PALLD: variants seen among roughly 807,000 people sequenced by gnomAD.
PALLD encodes palladin, cytoskeletal associated protein.
In PALLD, 61 loss-of-function variants were observed where a neutral mutation model predicts 123.5. The observed-to-expected ratio is 0.49, with a 90% CI of 0.40 to 0.61. The LOEUF is 0.61. Among genes scored for constraint, PALLD ranks in the 20% least tolerant of loss-of-function variants. The pLI is 0.00. For synonymous variants in PALLD, 465 were observed against 496.4 expected, an observed-to-expected ratio of 0.94 and a Z score of 0.84; for missense variants, 1,273 against 1,377.0, an observed-to-expected ratio of 0.92 and a Z score of 1.20.
At chr4:168,508,089 A>G (rs893243554) in intron 1 of PALLD, among the ~76,000 whole-genome samples, 4 of 152,176 alleles carry the variant, frequency 2.6e-5, no homozygotes, top group Non-Finnish European at 5.9e-5. Context: ...CTGCAGGATG[A>G]CTATAGCTAA....
intron 10 of PALLD, among the ~76,000 whole-genome samples, chr4:168,714,952 T>C (rs1785202362): frequency 6.6e-6 from 1 of 151,722 alleles, no homozygotes; most frequent in Non-Finnish European, 1.5e-5. Flanking sequence ...AACAAAAACC[T>C]GGAAGGGCCA....
chr4:168,623,677 C>A lies in PALLD; in HGVS notation c.909-44513C>A, dbSNP rs950168962. Reference sequence around the variant, plus strand: ...AACGCATAAGGAAAGGCATACCGGGCAAACGGAACTGAAAAAGCAAGGTTA... The same window carrying A: ...AACGCATAAGGAAAGGCATACCGGGAAAACGGAACTGAAAAAGCAAGGTTA... On this transcript the variant is annotated intron_variant, in intron 2 of 21. Coordinates refer to ENST00000505667, the MANE Select transcript of PALLD (RefSeq NM_001166108.2). Among the ~76,000 whole-genome samples the A allele has an allele frequency of 3.9e-5, 6 of 152,232 alleles. No individual in the cohort carries two copies. In the East Asian group the frequency reaches 1.2e-3, roughly 29 times the overall value.
At position 168,679,581 on chromosome 4, in the gene PALLD, GC is replaced by G. The variant is rs759996929; in HGVS notation, c.1088-1750del. ...GGTGTGTGTGTGTGTCCTCTTCACT[GC>G]GTATCCCCCTTACTTATGGAGTGCA... On this transcript the variant is annotated intron_variant, in intron 3 of 21. Transcript: ENST00000505667. 2.5e-4 allele frequency among the ~76,000 whole-genome samples: 38 copies of G among 151,812 alleles called. 2 individuals are homozygous for G. The highest frequency in any genetic ancestry group is 2.1e-3 in the East Asian group (11 of 5,170).
intron 2 of PALLD, among the ~76,000 whole-genome samples, chr4:168,600,297 G>C (rs575709181): frequency 4.6e-4 from 70 of 152,072 alleles, no homozygotes; most frequent in African/African-American, 1.5e-3. Context: ...GGCTATTTTT[G>C]GGGATTAGAC....
Position 168,825,307 on chromosome 4 carries a change from G to A in PALLD, c.1965-65615G>A, listed in dbSNP as rs998720639. On this transcript the variant is annotated intron_variant, in intron 10 of 21. Coordinates refer to ENST00000505667, the MANE Select transcript of PALLD (RefSeq NM_001166108.2). ...CTTCTCATTCCATTTCCATATTGGA[G>A]TCTAGGTTTGTACATTTTATTTTGT... Among the ~76,000 whole-genome samples the A allele has an allele frequency of 7.9e-5, 12 of 152,072 alleles. 1 individual carries two copies. In the South Asian group the frequency reaches 2.5e-3, roughly 32 times the overall value.
chr4:168,725,701 T>A (rs1481757721), intron 10 of PALLD, among the ~76,000 whole-genome samples: 2 of 151,954 alleles, frequency 1.3e-5, no homozygotes, highest in African/African-American at 4.8e-5. Flanking sequence ...TAATTTTTTG[T>A]ATTTTTAGTA....
chr4:168,645,372 T>G (rs1171204758), intron 2 of PALLD, among the ~76,000 whole-genome samples: 1 of 152,138 alleles, frequency 6.6e-6, no homozygotes, highest in African/African-American at 2.4e-5. Context: ...CCACCCGTAT[T>G]AGTAAGTAGT....
chr4:168,924,942 C>T lies in PALLD; in HGVS notation c.3225-3C>T. 2 of 1,614,092 alleles carry T rather than the reference C, an allele frequency of 1.2e-6. No individual in the cohort carries two copies. Among genetic ancestry groups the T allele is most frequent in the Non-Finnish European group, 1.7e-6 (2 of 1,179,976 alleles). ...ACCCTAATGACTTTATCCTTTTCTC[C>T]AGCATGCACCAGGACAACCACGGCT... On this transcript the variant is annotated splice_polypyrimidine_tract_variant and splice_region_variant and intron_variant, in intron 19 of 21. Transcript: ENST00000505667.
At chr4:168,868,869 T>G (rs916874841) in intron 10 of PALLD, among the ~76,000 whole-genome samples, 6 of 152,194 alleles carry the variant, frequency 3.9e-5, no homozygotes, top group Non-Finnish European at 5.9e-5. Flanking sequence ...AGAAAAGAAC[T>G]GCCTAGAGAT....
chr4:168,832,226 G>A (rs1744341337), intron 10 of PALLD: 1 of 981,924 alleles, frequency 1.0e-6, no homozygotes, highest in South Asian at 4.7e-5. Flanking sequence ...GAATTAAAGG[G>A]AGTGCAGCGT....
intron 2 of PALLD, among the ~76,000 whole-genome samples, chr4:168,546,827 C>T (rs1231768190): frequency 6.6e-6 from 1 of 152,150 alleles, no homozygotes; most frequent in Non-Finnish European, 1.5e-5. Context: ...CCTGATTATA[C>T]TTCTATGGAT....
rs529587122 is a variant in PALLD, at chr4:168,541,208, A to G, written c.908+28796A>G. Among the ~76,000 whole-genome samples, 3 of 152,216 alleles carry G rather than the reference A, an allele frequency of 2.0e-5. No individual in the cohort carries two copies. The East Asian group carries it at 5.8e-4, about 29-fold the overall frequency. ...TCAAGATGGGGATAAATATTCAGGG[A>G]GGTAACTGCACTCATTCTTTATCTG... On this transcript the variant is annotated intron_variant, in intron 2 of 21. Coordinates refer to ENST00000505667, the MANE Select transcript of PALLD (RefSeq NM_001166108.2).
intron 8 of PALLD, among the ~76,000 whole-genome samples, chr4:168,699,110 G>C (rs912620384): frequency 6.6e-6 from 1 of 152,126 alleles, no homozygotes; most frequent in Middle Eastern, 3.4e-3. Context: ...ACAGAGTCTT[G>C]ATCTGTTGCC....
chr4:168,590,425 G>A (rs371801107), intron 2 of PALLD, among the ~76,000 whole-genome samples: 2 of 152,152 alleles, frequency 1.3e-5, no homozygotes, highest in Non-Finnish European at 2.9e-5. Context: ...CCAACAAATA[G>A]CATTATTCCT....
chr4:168,660,573 T>A (rs927486567), intron 2 of PALLD, among the ~76,000 whole-genome samples: 2 of 150,676 alleles, frequency 1.3e-5, no homozygotes, highest in Non-Finnish European at 2.9e-5. Context: ...GAGGGAGGAA[T>A]CATTATGCAA....
chr4:168,521,659 A>G (rs916495737), intron 2 of PALLD, among the ~76,000 whole-genome samples: 6 of 152,184 alleles, frequency 3.9e-5, no homozygotes, highest in African/African-American at 1.4e-4. Context: ...ATTTTCTTTT[A>G]TACTACTAAG....
intron 6 of PALLD, among the ~76,000 whole-genome samples, chr4:168,686,894 G>T (rs1321427207): frequency 2.6e-5 from 4 of 152,214 alleles, no homozygotes; most frequent in Non-Finnish European, 5.9e-5. Context: ...TAAAGGTATA[G>T]TAATTAGGAC....
chr4:168,538,390 A>C (rs1765287178), intron 2 of PALLD, among the ~76,000 whole-genome samples: 1 of 152,094 alleles, frequency 6.6e-6, no homozygotes, highest in African/African-American at 2.4e-5. Context: ...GAAATTGCTT[A>C]ATATAATTCC....
intron 10 of PALLD, among the ~76,000 whole-genome samples, chr4:168,734,332 A>G (rs762432924): frequency 1.3e-4 from 20 of 152,030 alleles, no homozygotes; most frequent in Non-Finnish European, 2.6e-4. Context: ...GAAGCCAGCT[A>G]CATCCTGCTG....
Sources: allele counts gnomAD v4.1 joint callset (sites outside exome capture counted in the v4.1 genomes callset), GRCh38; gene constraint gnomAD v4.1.1; transcripts MANE v1.5; gene names NCBI Gene and HGNC (gene_info 2026-07-23, HGNC 2026-07-21).